The following THSD7B variants were observed in gnomAD, a reference collection of about 807,000 sequenced individuals.
THSD7B encodes thrombospondin type-1 domain-containing protein 7B.
Under a neutral mutation model 213.6 loss-of-function variants are expected in THSD7B, and 138 were observed. That is an observed-to-expected ratio of 0.65 (90% confidence interval 0.56 to 0.74). The LOEUF is 0.74. Among genes scored for constraint, THSD7B ranks in the 30% least tolerant of loss-of-function variants. The pLI is 0.00. For synonymous variants in THSD7B, 742 were observed against 687.0 expected (o/e 1.08, Z -1.25); for missense variants, 1,931 against 1,991.5 (o/e 0.97, Z 0.58).
chr2:136,946,475 G>C (rs1573726654), intron 2 of THSD7B, among the ~76,000 whole-genome samples: 1 of 152,094 alleles, frequency 6.6e-6, no homozygotes. Context: ...TCCATTCTCC[G>C]AGCTCAAACA....
chr2:137,645,509 T>C lies in THSD7B; in HGVS notation c.3945+2876T>C, dbSNP rs569509914. ...TATTAATCTGATGCTGATTTCTCTT[T>C]ACATTGTGGCTGTTGTTGTCGAAGG... On this transcript the variant is annotated intron_variant, in intron 21 of 27. Coordinates refer to ENST00000409968, the MANE Select transcript of THSD7B (RefSeq NM_001316349.2). Among the ~76,000 whole-genome samples, 31 of 152,294 alleles carry C rather than the reference T, an allele frequency of 2.0e-4. No individual in the cohort carries two copies. The South Asian group carries it at 5.6e-3, about 28-fold the overall frequency.
At chr2:136,790,322 T>C (rs1681945550) in intron 1 of THSD7B, among the ~76,000 whole-genome samples, 1 of 152,084 alleles carries the variant, frequency 6.6e-6, no homozygotes, top group Admixed American at 6.6e-5. Flanking sequence ...CCACCTTATT[T>C]AATATCTTAA....
chr2:137,265,156 C>G (rs1324119780), intron 10 of THSD7B, among the ~76,000 whole-genome samples: 2 of 152,176 alleles, frequency 1.3e-5, no homozygotes, highest in African/African-American at 2.4e-5. Context: ...AGGACATGAA[C>G]TAATCATTTT....
At position 137,115,199 on chromosome 2, in the gene THSD7B, T is replaced by C. The variant is rs1195273272; in HGVS notation, c.1275T>C (p.His425=). ...TCGAGCAGCAGGATCCCCACTGGCA[T>C]GTGACGGGACCCGTGTGTGGCGGTG... ...LLLEQQDPHW[H]VTGPVCGGGI... is the part of the protein sequence containing the mutation. The change falls in exon 5 of 28, where the codon CAT becomes CAC. Residue 425 remains histidine, a synonymous_variant. Transcript: ENST00000409968. The C allele has an allele frequency of 3.1e-6, 5 of 1,613,912 alleles. No homozygotes were observed. The highest frequency in any genetic ancestry group is 2.2e-5 in the East Asian group (1 of 44,862).
chr2:137,241,224 C>T (rs1309237945), intron 9 of THSD7B, among the ~76,000 whole-genome samples: 1 of 152,206 alleles, frequency 6.6e-6, no homozygotes, highest in East Asian at 1.9e-4. Flanking sequence ...AAACTTTATA[C>T]ACACTGCAAT....
At chr2:137,472,288 T>C (rs1005485599) in intron 15 of THSD7B, among the ~76,000 whole-genome samples, 13 of 152,174 alleles carry the variant, frequency 8.5e-5, no homozygotes, top group African/African-American at 2.9e-4. Context: ...AAATAGTAAT[T>C]CTCACTTTCT....
At chr2:137,330,216 G>C (rs1684469943) in intron 12 of THSD7B, among the ~76,000 whole-genome samples, 1 of 152,154 alleles carries the variant, frequency 6.6e-6, no homozygotes, top group Admixed American at 6.5e-5. Context: ...AACTTGGCTA[G>C]AGCAGTTTGG....
At chr2:137,277,257 C>T (rs903717142) in intron 12 of THSD7B, among the ~76,000 whole-genome samples, 2 of 151,956 alleles carry the variant, frequency 1.3e-5, no homozygotes, top group South Asian at 2.1e-4. Context: ...AAAATTATCA[C>T]ATAAAAGCAA....
At chr2:136,915,699 T>A (rs1479158920) in intron 2 of THSD7B, among the ~76,000 whole-genome samples, 1 of 152,224 alleles carries the variant, frequency 6.6e-6, no homozygotes, top group Non-Finnish European at 1.5e-5. Context: ...ACCTGGCCCA[T>A]GGTTACACAG....
At chr2:137,315,975 C>T (rs915984798) in intron 12 of THSD7B, among the ~76,000 whole-genome samples, 2 of 152,096 alleles carry the variant, frequency 1.3e-5, no homozygotes, top group African/African-American at 4.8e-5. Flanking sequence ...TAGATATCTT[C>T]TCTTCCCTGT....
At chr2:137,508,376 A>ATT (rs11383871) in intron 15 of THSD7B, among the ~76,000 whole-genome samples, 48,212 of 107,940 alleles carry the variant, frequency 0.45, 12,315 homozygotes, top group East Asian at 0.68. Flanking sequence ...AAATAAAACA[A>ATT]TTTTTTTTTT....
At chr2:137,316,336 A>C (rs1412974661) in intron 12 of THSD7B, among the ~76,000 whole-genome samples, 2 of 152,358 alleles carry the variant, frequency 1.3e-5, no homozygotes, top group African/African-American at 4.8e-5. Flanking sequence ...TAACCTCTGA[A>C]GCTTAACCAA....
At chr2:137,199,402 C>T (rs1329344169) in intron 7 of THSD7B, among the ~76,000 whole-genome samples, 1 of 152,120 alleles carries the variant, frequency 6.6e-6, no homozygotes, top group African/African-American at 2.4e-5. Context: ...TACCTCTTCC[C>T]TCTAGTCCCA....
At chr2:137,244,205 T>C (rs899028378) in intron 10 of THSD7B, among the ~76,000 whole-genome samples, 2 of 152,228 alleles carry the variant, frequency 1.3e-5, no homozygotes, top group Non-Finnish European at 2.9e-5. Context: ...AAGATAAATA[T>C]TGATAAGATG....
chr2:137,443,853 G>A (rs1687472433), intron 14 of THSD7B, among the ~76,000 whole-genome samples: 1 of 151,990 alleles, frequency 6.6e-6, no homozygotes, highest in African/African-American at 2.4e-5. Flanking sequence ...AAAAAAGTGA[G>A]TTTTAAGGAA....
chr2:137,477,543 T>C (rs1301848172), intron 15 of THSD7B, among the ~76,000 whole-genome samples: 1 of 151,818 alleles, frequency 6.6e-6, no homozygotes, highest in Non-Finnish European at 1.5e-5. Flanking sequence ...ATATTATTTA[T>C]GTATTTATTC....
chr2:137,253,417 C>A (rs1035244900), intron 10 of THSD7B, among the ~76,000 whole-genome samples: 6 of 152,172 alleles, frequency 3.9e-5, no homozygotes, highest in Admixed American at 3.9e-4. Flanking sequence ...CTTCGTGGAA[C>A]AGCCAGGCTA....
intron 16 of THSD7B, among the ~76,000 whole-genome samples, 157 bp downstream of exon 16, chr2:137,563,511 C>T (rs1385952492): frequency 6.6e-6 from 1 of 152,140 alleles, no homozygotes; most frequent in East Asian, 1.9e-4. Context: ...ATAAGTGCAT[C>T]CTTACCTGCC....
At chr2:137,279,297 A>G (rs72617061) in intron 12 of THSD7B, among the ~76,000 whole-genome samples, 15,595 of 152,140 alleles carry the variant, frequency 0.1, 1,311 homozygotes, top group East Asian at 0.43. Flanking sequence ...GCACTTTGGA[A>G]GGCTGAGGTG....
Sources: allele counts gnomAD v4.1 joint callset (sites outside exome capture counted in the v4.1 genomes callset), GRCh38; gene constraint gnomAD v4.1.1; transcripts MANE v1.5; gene names NCBI Gene and HGNC (gene_info 2026-07-23, HGNC 2026-07-21).